The following TAMM41 variants were observed in gnomAD, a reference collection of about 807,000 sequenced individuals.
The protein encoded by TAMM41 is phosphatidate cytidylyltransferase, mitochondrial.
TAMM41 carries 36 observed loss-of-function variants against 44.1 expected under a neutral mutation model. The ratio of observed to expected loss-of-function variants is 0.82; its 90% CI spans 0.63 to 1.08. TAMM41 has a LOEUF of 1.08. Among genes scored for constraint, TAMM41 ranks in the 50% least tolerant of loss-of-function variants. The probability of loss-of-function intolerance (pLI) is 0.00; values close to 1 mark genes in which losing one functional copy is unlikely to be tolerated. For missense variants in TAMM41, 417 were observed against 404.3 expected (o/e 1.03, Z -0.27); for synonymous variants, 164 against 153.1 (o/e 1.07, Z -0.53).
At chr3:11,782,742 T>C in the TAMM41 span, among the ~76,000 whole-genome samples, 2 of 152,318 alleles carry the variant, frequency 1.3e-5, no homozygotes, top group East Asian at 3.9e-4. Flanking sequence ...TGTGAAACTT[T>C]AGTTTACTCC....
At chr3:11,733,897 C>T in the TAMM41 span, among the ~76,000 whole-genome samples, 3 of 152,100 alleles carry the variant, frequency 2.0e-5, no homozygotes, top group African/African-American at 7.2e-5. Flanking sequence ...ACCCAAGATC[C>T]TTCTATCTTG....
chr3:11,833,850 A>G (rs1185672925), intron 3 of TAMM41, among the ~76,000 whole-genome samples: 1 of 152,202 alleles, frequency 6.6e-6, no homozygotes, highest in East Asian at 1.9e-4. Flanking sequence ...AAGCTGCAAT[A>G]TGGTGATAGT....
intron 3 of TAMM41, among the ~76,000 whole-genome samples, chr3:11,836,822 G>A (rs1258178824): frequency 6.6e-6 from 1 of 152,184 alleles, no homozygotes; most frequent in Non-Finnish European, 1.5e-5. Context: ...AAAACCCTTG[G>A]AAATAAAATA....
chr3:11,787,241 T>A (rs1193950701), downstream of TAMM41, among the ~76,000 whole-genome samples: 2 of 152,182 alleles, frequency 1.3e-5, no homozygotes, highest in Non-Finnish European at 2.9e-5. Flanking sequence ...TTCTACCTGT[T>A]AGAAGCAAGT....
the TAMM41 span, among the ~76,000 whole-genome samples, chr3:11,741,705 A>AT: frequency 2.0e-5 from 3 of 150,002 alleles, no homozygotes; most frequent in Non-Finnish European, 4.4e-5. Context: ...TCAGCATATG[A>AT]TTTTTTTGTT....
chr3:11,756,860 C>T, the TAMM41 span, among the ~76,000 whole-genome samples: 5 of 108,494 alleles, frequency 4.6e-5, no homozygotes, highest in South Asian at 2.9e-4. Flanking sequence ...AGCGAAATTC[C>T]GTCTCAAAAA....
chr3:11,845,525 A>G (rs1056304672), intron 1 of TAMM41, among the ~76,000 whole-genome samples: 2 of 152,198 alleles, frequency 1.3e-5, no homozygotes, highest in African/African-American at 4.8e-5. Context: ...CGAGGCAGGT[A>G]TGGAATAAAC....
the TAMM41 span, among the ~76,000 whole-genome samples, chr3:11,749,960 C>T: frequency 4.0e-5 from 6 of 149,734 alleles, no homozygotes; most frequent in Non-Finnish European, 7.4e-5. Context: ...TGCAGTGGCA[C>T]GATCTGGGCT....
At chr3:11,807,932 C>T (rs1446200892) in intron 6 of TAMM41, 37 bp from the exon 7 acceptor site, 1 of 1,490,148 alleles carries the variant, frequency 6.7e-7, no homozygotes, top group South Asian at 1.3e-5. Context: ...CCAAAAAAAC[C>T]CAAAACAGAT....
At chr3:11,808,289 G>T in intron 6 of TAMM41, 1 of 1,041,520 alleles carries the variant, frequency 9.6e-7, no homozygotes, top group Non-Finnish European at 1.2e-6. Context: ...CTTTCATTCT[G>T]AAAACACACA....
intron 4 of TAMM41, among the ~76,000 whole-genome samples, chr3:11,827,164 A>G (rs140864990): frequency 1.2e-3 from 188 of 152,342 alleles, no homozygotes; most frequent in African/African-American, 4.4e-3. Flanking sequence ...CCATTGCCTA[A>G]AATTAGTCAT....
chr3:11,739,938 G>A, the TAMM41 span, among the ~76,000 whole-genome samples: 1 of 152,154 alleles, frequency 6.6e-6, no homozygotes, highest in Admixed American at 6.5e-5. Context: ...GCCTGACTCA[G>A]AGCAGATGCT....
At position 11,836,128 on chromosome 3, in the gene TAMM41, T is replaced by C. The variant is rs1214036021; in HGVS notation, c.411+3094A>G. 2.0e-5 allele frequency among the ~76,000 whole-genome samples: 3 copies of C among 151,852 alleles called. No homozygotes were observed. In the East Asian group the frequency reaches 5.8e-4, roughly 29 times the overall value. ...GCCTCAGCCTCCCGAGTAGCTGGGA[T>C]TACAGGTGCATGCCGCAACGCCCAG... On this transcript the variant is annotated intron_variant, in intron 3 of 7. Transcript: ENST00000455809.
chr3:11,768,411 T>C, the TAMM41 span, among the ~76,000 whole-genome samples: 54 of 152,344 alleles, frequency 3.5e-4, 1 homozygote, highest in Admixed American at 3.0e-3. Context: ...GTGTTTGGAT[T>C]ACAGGCGTGA....
chr3:11,821,697 G>C (rs569162301), intron 4 of TAMM41, among the ~76,000 whole-genome samples: 29 of 152,186 alleles, frequency 1.9e-4, no homozygotes, highest in Non-Finnish European at 3.7e-4. Context: ...TAGAGGAAGC[G>C]CTGGGTCTTG....
the TAMM41 span, among the ~76,000 whole-genome samples, chr3:11,755,051 A>G: frequency 3.3e-5 from 5 of 151,856 alleles, no homozygotes; most frequent in African/African-American, 1.2e-4. Context: ...TGAACTGATG[A>G]CCACAGCTCT....
intron 4 of TAMM41, among the ~76,000 whole-genome samples, chr3:11,820,934 A>G (rs2078494974): frequency 6.6e-6 from 1 of 152,206 alleles, no homozygotes; most frequent in South Asian, 2.1e-4. Context: ...GGACCTCATT[A>G]CAAGTATGCA....
chr3:11,769,618 G>T, the TAMM41 span, among the ~76,000 whole-genome samples: 2 of 152,170 alleles, frequency 1.3e-5, no homozygotes, highest in East Asian at 3.9e-4. Context: ...TATTTACAAA[G>T]CCAGGAGGTA....
chr3:11,839,452 T>G (rs1020934934), intron 2 of TAMM41, 138 bp from the exon 3 acceptor site: 1 of 587,926 alleles, frequency 1.7e-6, no homozygotes, highest in African/African-American at 1.9e-5. Flanking sequence ...ACACCTGACT[T>G]GTGAAAACAC....
Sources: allele counts gnomAD v4.1 joint callset (sites outside exome capture counted in the v4.1 genomes callset), GRCh38; gene constraint gnomAD v4.1.1; transcripts MANE v1.5; gene names NCBI Gene and HGNC (gene_info 2026-07-23, HGNC 2026-07-21).